The following ATAD2 variants were observed in gnomAD, a reference collection of about 807,000 sequenced individuals.
The protein encoded by ATAD2 is ATPase family AAA domain containing 2, also known as ATPase family AAA domain-containing protein 2.
ATAD2 carries 62 observed loss-of-function variants against 168.9 expected under a neutral mutation model. The observed-to-expected ratio is 0.37, with a 90% CI of 0.30 to 0.45. The LOEUF (loss-of-function observed/expected upper bound fraction) is 0.45, where lower values mean the gene tolerates loss of function less well. ATAD2 is among the 20% of genes least tolerant of loss of function. The pLI is 1.00. For synonymous variants in ATAD2, 613 were observed against 571.6 expected, an observed-to-expected ratio of 1.07 and a Z score of -1.03; for missense variants, 1,419 against 1,667.8, an observed-to-expected ratio of 0.85 and a Z score of 2.60.
At chr8:123,322,692 A>G (rs1827502815) in intron 27 of ATAD2, among the ~76,000 whole-genome samples, 1 of 152,180 alleles carries the variant, frequency 6.6e-6, no homozygotes, top group African/African-American at 2.4e-5. Flanking sequence ...AAATAAACAA[A>G]CAAACTAATT....
chr8:123,389,496 C>A (rs1016448628), intron 1 of ATAD2, among the ~76,000 whole-genome samples: 2 of 151,224 alleles, frequency 1.3e-5, no homozygotes, highest in Non-Finnish European at 3.0e-5. Flanking sequence ...AAAACTTAGC[C>A]GGGCGTGGTG....
intron 11 of ATAD2, among the ~76,000 whole-genome samples, chr8:123,358,621 C>A (rs997817400): frequency 6.6e-6 from 1 of 151,722 alleles, no homozygotes; most frequent in South Asian, 2.1e-4. Flanking sequence ...GCTGGGATTA[C>A]AGGCATAAGC....
chr8:123,396,401 C>G lies in ATAD2; in HGVS notation c.-44G>C, dbSNP rs747687880. 4 of 1,505,146 alleles carry G rather than the reference C, an allele frequency of 2.7e-6. No homozygotes were observed. The highest frequency in any genetic ancestry group is 1.4e-5 in the African/African-American group (1 of 70,370). The allele number at this position is 1,505,146 out of a possible 1,614,324, so 93.2% of individuals were successfully genotyped here. The stretch of plus-strand genomic sequence containing the variant: ...TCGGCGTGCGCGACCGGAGAGAGAT[C>G]CAGCTCCAGGCGCTCGCAGCTCTGG... On this transcript the variant is annotated 5_prime_UTR_variant, in exon 1 of 28. Coordinates refer to ENST00000287394, the MANE Select transcript of ATAD2 (RefSeq NM_014109.4).
upstream of ATAD2, chr8:123,401,184 A>G (rs1249118928): frequency 3.1e-6 from 3 of 958,668 alleles, no homozygotes; most frequent in Non-Finnish European, 5.1e-6. Context: ...TCCTGCAGCA[A>G]AGCAAGAAAG....
At chr8:123,416,277 C>T (rs1433602394) in exon 1 of ATAD2, 1 of 153,078 alleles carries the variant, frequency 6.5e-6, no homozygotes, top group African/African-American at 2.4e-5. Flanking sequence ...GAAGCTCAGC[C>T]CCTGGTTGGA....
At chr8:123,354,101 T>G (rs902550550) in intron 13 of ATAD2, among the ~76,000 whole-genome samples, 4 of 152,178 alleles carry the variant, frequency 2.6e-5, no homozygotes, top group African/African-American at 9.7e-5. Context: ...GCTACTGCAC[T>G]CCAGCCTGGG....
intron 1 of ATAD2, among the ~76,000 whole-genome samples, chr8:123,410,889 G>C (rs1470303509): frequency 6.6e-6 from 1 of 152,242 alleles, no homozygotes; most frequent in Non-Finnish European, 1.5e-5. Flanking sequence ...CGGGCTAAAG[G>C]CTTGCCATTG....
At chr8:123,356,141 G>A in intron 13 of ATAD2, 1 of 207,396 alleles carries the variant, frequency 4.8e-6, no homozygotes, top group East Asian at 9.9e-5. Context: ...TGTTGGCCAG[G>A]CTGGTCTCAA....
Position 123,359,680 on chromosome 8 carries a change from A to T in ATAD2, c.1163T>A (p.Leu388His). 2 of 1,609,864 alleles carry T rather than the reference A, an allele frequency of 1.2e-6. No individual in the cohort carries two copies. Among genetic ancestry groups the T allele is most frequent in the Non-Finnish European group, 1.7e-6 (2 of 1,177,826 alleles). The change falls in exon 10 of 28, where the codon CTC becomes CAC. Residue 388 changes from leucine (L) to histidine (H), a missense_variant. Transcript: ENST00000287394. Reference protein sequence around the residue: ...RSRNRAINRCLPLNFRKDELK... With the variant: ...RSRNRAINRCHPLNFRKDELK... ...TTCATCTTTCCGAAAATTTAGTGGG[A>T]GGCACCTATTTAAAAAGATTTTTTA...
At chr8:123,376,793 CAA>C (rs1829329002) in intron 2 of ATAD2, among the ~76,000 whole-genome samples, 1 of 151,182 alleles carries the variant, frequency 6.6e-6, no homozygotes, top group African/African-American at 2.4e-5. Flanking sequence ...TCCATCTCTA[CAA>C]AAAATTTAAC....
chr8:123,358,214 A>G (rs1245006353), intron 11 of ATAD2, among the ~76,000 whole-genome samples: 2 of 152,172 alleles, frequency 1.3e-5, no homozygotes, highest in Non-Finnish European at 2.9e-5. Flanking sequence ...ATGGGGTCTC[A>G]CTGTCAGCTA....
intron 2 of ATAD2, among the ~76,000 whole-genome samples, chr8:123,375,568 T>C (rs1829283901): frequency 6.6e-6 from 1 of 152,194 alleles, no homozygotes; most frequent in Non-Finnish European, 1.5e-5. Context: ...TATACCTACA[T>C]TCATATCATT....
intron 14 of ATAD2, among the ~76,000 whole-genome samples, chr8:123,348,813 G>A (rs1254560658): frequency 3.9e-5 from 6 of 152,028 alleles, no homozygotes; most frequent in Non-Finnish European, 5.9e-5. Context: ...AGTTATATTC[G>A]TCATAAACAC....
rs117984846 is a variant in ATAD2 at position 123,336,445 on chromosome 8, T to C, written c.3139A>G (p.Lys1047Glu). Residue 1047 changes from lysine to glutamate, a missense_variant, in exon 22 of 28, where the codon AAA (lysine) becomes GAA (glutamate). Coordinates refer to ENST00000287394, the MANE Select transcript of ATAD2 (RefSeq NM_014109.4). ...AGATCAATATCTCTCAAATAGTCTT[T>C]CACAGTCAGATACTTGTGTAGATCA... is the stretch of plus-strand genomic sequence containing the variant. ...KIDLHKYLTV[K>E]DYLRDIDLIC... The C allele has an allele frequency of 6.4e-4, 1,010 of 1,582,980 alleles. No individual in the cohort carries two copies. Among genetic ancestry groups the C allele is most frequent in the Non-Finnish European group, 7.8e-4 (914 of 1,169,400 alleles).
At chr8:123,353,529 A>C (rs1422182747) in intron 13 of ATAD2, among the ~76,000 whole-genome samples, 1 of 152,170 alleles carries the variant, frequency 6.6e-6, no homozygotes, top group East Asian at 1.9e-4. Context: ...GAGATCCCTC[A>C]AAATTGGCTC....
Position 123,325,961 on chromosome 8 carries a change from C to A in ATAD2, c.3934G>T (p.Val1312Phe). The change falls in exon 26 of 28, where the codon GTT becomes TTT. Residue 1312 changes from valine to phenylalanine, a missense_variant. By Grantham distance (50) the Val-to-Phe change is conservative. Coordinates refer to ENST00000287394, the MANE Select transcript of ATAD2 (RefSeq NM_014109.4). ...GAAAGAATTGCCAAAGCCTTTTCAA[C>A]AGTGATGAGCTGCTGCTGTTCTACC... is the stretch of plus-strand genomic sequence containing the variant. ...SQVEQQQLITVEKALAILSQP... is the reference protein window; with the variant it reads ...SQVEQQQLITFEKALAILSQP... 6.2e-7 allele frequency: 1 copy of A among 1,614,072 alleles called. No individual in the cohort carries two copies. Among genetic ancestry groups the A allele is most frequent in the South Asian group, 1.1e-5 (1 of 91,086 alleles).
intron 19 of ATAD2, among the ~76,000 whole-genome samples, chr8:123,340,661 C>G (rs1384834250): frequency 6.6e-6 from 1 of 152,124 alleles, no homozygotes; most frequent in Non-Finnish European, 1.5e-5. Context: ...ACACAAGATA[C>G]AACATGGATG....
intron 20 of ATAD2, among the ~76,000 whole-genome samples, chr8:123,338,282 G>C (rs1340508915): frequency 6.6e-6 from 1 of 151,954 alleles, no homozygotes; most frequent in East Asian, 1.9e-4. Context: ...GTGAATCTGG[G>C]AGGCAGAGCT....
intron 1 of ATAD2, among the ~76,000 whole-genome samples, chr8:123,386,047 C>T (rs1043450346): frequency 6.8e-6 from 1 of 147,952 alleles, no homozygotes; most frequent in African/African-American, 2.5e-5. Context: ...GAGAAAATAG[C>T]AATTGTTGGT....
Sources: allele counts gnomAD v4.1 joint callset (sites outside exome capture counted in the v4.1 genomes callset), GRCh38; gene constraint gnomAD v4.1.1; transcripts MANE v1.5; gene names NCBI Gene and HGNC (gene_info 2026-07-23, HGNC 2026-07-21).